PCDHA5: variants seen among roughly 807,000 people sequenced by gnomAD.
The protein encoded by PCDHA5 is protocadherin alpha 5.
In PCDHA5, 43 loss-of-function variants were observed where a neutral mutation model predicts 61.6. The ratio of observed to expected loss-of-function variants is 0.70; its 90% CI spans 0.55 to 0.90. The LOEUF (loss-of-function observed/expected upper bound fraction) is 0.90, where lower values mean the gene tolerates loss of function less well. Among genes scored for constraint, PCDHA5 ranks in the 40% least tolerant of loss-of-function variants. The pLI, the probability that PCDHA5 is intolerant of heterozygous loss-of-function variation, is 0.00. For synonymous variants in PCDHA5, 627 were observed against 543.9 expected (o/e 1.15, Z -2.13); for missense variants, 1,298 against 1,222.7 (o/e 1.06, Z -0.92).
At chr5:140,944,966 C>A (rs1554216639) in intron 1 of PCDHA5, among the ~76,000 whole-genome samples, 1 of 152,080 alleles carries the variant, frequency 6.6e-6, no homozygotes, top group Non-Finnish European at 1.5e-5. Context: ...ATTATCTTAA[C>A]CTCTCTGGTG....
At chr5:140,830,285 T>C (rs2150184393) in intron 1 of PCDHA5, 7 of 1,613,564 alleles carry the variant, frequency 4.3e-6, no homozygotes, top group East Asian at 2.2e-5. Context: ...CGAGGGCGCG[T>C]GCACGGCGGA....
chr5:140,875,993 T>C lies in PCDHA5; in HGVS notation c.2352+51866T>C, dbSNP rs574636926. 5 of 1,613,988 alleles carry C rather than the reference T, an allele frequency of 3.1e-6. No homozygotes were observed. The Admixed American group carries it at 6.7e-5, about 22-fold the overall frequency. On this transcript the variant is annotated intron_variant, in intron 1 of 3. Transcript: ENST00000529859. The stretch of plus-strand genomic sequence containing the variant: ...TCTCTTTTGACCTATGCGTTAAGTC[T>C]AAATGAGAATTTTGAGCTTAAAATA...
At chr5:140,927,174 C>G (rs782406584) in intron 1 of PCDHA5, 2 of 1,614,186 alleles carry the variant, frequency 1.2e-6, no homozygotes, top group Non-Finnish European at 8.5e-7. Context: ...CTGCCTGCGT[C>G]TTGACCTACG....
intron 1 of PCDHA5, chr5:140,831,338 AATTT>A (rs1275067548): frequency 6.7e-6 from 1 of 149,500 alleles, no homozygotes; most frequent in East Asian, 2.0e-4. Context: ...TCTACACAGT[AATTT>A]AAACTATTCA....
rs2150120995 is a variant in PCDHA5, at chr5:140,822,981, T to G, written c.1206T>G (p.Asn402Lys). The change falls in exon 1 of 4, where the codon AAT (asparagine) becomes AAG (lysine). Residue 402 changes from asparagine to lysine, a missense_variant. By Grantham distance (94) the Asn-to-Lys change is moderately conservative. Coordinates refer to ENST00000529859, the MANE Select transcript of PCDHA5 (RefSeq NM_018908.3). The part of the protein sequence containing the change: ...VPFKLVSTFK[N>K]YYSLVLDSAL... ...TCAAGCTGGTGTCCACCTTCAAGAA[T>G]TACTACTCGTTGGTGCTGGACAGCG... 6.2e-7 allele frequency: 1 copy of G among 1,614,242 alleles called. No homozygotes were observed. Among genetic ancestry groups the G allele is most frequent in the Admixed American group, 1.7e-5 (1 of 60,038 alleles).
At position 140,857,911 on chromosome 5, in the gene PCDHA5, T is replaced by C. The variant is rs144216608; in HGVS notation, c.2352+33784T>C. On this transcript the variant is annotated intron_variant, in intron 1 of 3. Transcript: ENST00000529859. ...CGGCGGTTGGTGCACGCATCCCGTT[T>C]CGCGTGGGGCTGTACACGGGCGAGA... 4,248 of 1,597,856 alleles carry C rather than the reference T, an allele frequency of 2.7e-3. 342 individuals are homozygous for C. Among genetic ancestry groups the C allele is most frequent in the Middle Eastern group, 0.01 (61 of 5,986 alleles).
chr5:140,933,902 A>C (rs1285587221), intron 1 of PCDHA5, among the ~76,000 whole-genome samples: 2 of 151,892 alleles, frequency 1.3e-5, no homozygotes, highest in African/African-American at 2.4e-5. Flanking sequence ...ATATTTTGGC[A>C]TAAAGTTGTT....
chr5:140,838,077 A>AGTGTGTGT (rs57130401), intron 1 of PCDHA5, among the ~76,000 whole-genome samples: 22 of 80,694 alleles, frequency 2.7e-4, no homozygotes, highest in South Asian at 8.5e-4. Flanking sequence ...ATATATATAT[A>AGTGTGTGT]GTGTGTGTGT....
intron 1 of PCDHA5, among the ~76,000 whole-genome samples, chr5:140,956,217 T>C (rs1554222303): frequency 1.1e-4 from 17 of 152,208 alleles, no homozygotes. Flanking sequence ...GGCATCCTTG[T>C]CTTGTGCTGG....
intron 1 of PCDHA5, chr5:140,853,810 G>A (rs1402594450): frequency 7.1e-6 from 7 of 986,530 alleles, no homozygotes; most frequent in Non-Finnish European, 8.5e-6. Context: ...AAGCACACCT[G>A]AGATGATTCT....
rs1349053689 is a variant in PCDHA5 at position 140,855,989 on chromosome 5, A to C, written c.2352+31862A>C. The C allele has an allele frequency of 3.4e-6, 5 of 1,484,810 alleles. No homozygotes were observed. The African/African-American group carries it at 7.0e-5, about 21-fold the overall frequency. The allele number at this position is 1,484,810 out of a possible 1,614,324, so 92.0% of individuals were successfully genotyped here. ...TATAAGAAATAGGACAGAAAATGTCAGATCGTATGTGCGTTCTAGACCGCT... is the reference window on the plus strand; with the variant it reads ...TATAAGAAATAGGACAGAAAATGTCCGATCGTATGTGCGTTCTAGACCGCT... On this transcript the variant is annotated intron_variant, in intron 1 of 3. Transcript: ENST00000529859.
chr5:140,865,089 TA>T (rs1554159250), intron 1 of PCDHA5: 1 of 152,250 alleles, frequency 6.6e-6, no homozygotes, highest in Admixed American at 6.5e-5. Flanking sequence ...GGGATATTAA[TA>T]AAGGCACTTC....
intron 1 of PCDHA5, among the ~76,000 whole-genome samples, chr5:140,911,002 C>A (rs1216727256): frequency 6.6e-6 from 1 of 152,114 alleles, no homozygotes; most frequent in Non-Finnish European, 1.5e-5. Context: ...CCCTAGGGCC[C>A]TCCTGGGACT....
intron 1 of PCDHA5, among the ~76,000 whole-genome samples, chr5:140,885,740 GTTACT>G (rs1554182262): frequency 2.6e-5 from 4 of 152,016 alleles, no homozygotes; most frequent in African/African-American, 9.7e-5. Context: ...ATATTTCACT[GTTACT>G]TTAATTTTAA....
At chr5:140,891,201 T>C (rs1301476369) in intron 1 of PCDHA5, among the ~76,000 whole-genome samples, 3 of 152,214 alleles carry the variant, frequency 2.0e-5, no homozygotes, top group Non-Finnish European at 4.4e-5. Context: ...TTTGCAGTTT[T>C]ACCATGCTGT....
At chr5:140,877,862 A>T (rs1554170193) in intron 1 of PCDHA5, 1 of 1,505,068 alleles carries the variant, frequency 6.6e-7, no homozygotes, top group East Asian at 2.4e-5. Flanking sequence ...TATTATTTAG[A>T]TATATTTGTT....
Position 140,963,600 on chromosome 5 carries a change from G to A in PCDHA5, c.2353-15349G>A, listed in dbSNP as rs111244023. Among the ~76,000 whole-genome samples, 12 of 152,298 alleles carry A rather than the reference G, an allele frequency of 7.9e-5. No homozygotes were observed. In the South Asian group the frequency reaches 1.7e-3, roughly 21 times the overall value. ...CAAAATGTAGGATATAGTTCTAGAC[G>A]TAATTGGGAAAGCTTAACTTTGTTG... On this transcript the variant is annotated intron_variant, in intron 1 of 3. Transcript: ENST00000529859.
At chr5:140,882,424 G>A in intron 1 of PCDHA5, 1 of 1,614,114 alleles carries the variant, frequency 6.2e-7, no homozygotes, top group Non-Finnish European at 8.5e-7. Context: ...CTCAGGACCT[G>A]GGGCTGGAGC....
chr5:140,994,394 T>C (rs1332946220), intron 3 of PCDHA5, among the ~76,000 whole-genome samples: 1 of 152,110 alleles, frequency 6.6e-6, no homozygotes, highest in African/African-American at 2.4e-5. Flanking sequence ...AGTCAGAGAT[T>C]ATTTGACATT....
Sources: allele counts gnomAD v4.1 joint callset (sites outside exome capture counted in the v4.1 genomes callset), GRCh38; gene constraint gnomAD v4.1.1; transcripts MANE v1.5; gene names NCBI Gene and HGNC (gene_info 2026-07-23, HGNC 2026-07-21).